The following RORA variants were observed in gnomAD, a reference collection of about 807,000 sequenced individuals.
The protein encoded by RORA is nuclear receptor ROR-alpha.
RORA carries 7 observed loss-of-function variants against 69.5 expected under a neutral mutation model. That is an observed-to-expected ratio of 0.10 (90% CI 0.06 to 0.19). RORA has a LOEUF of 0.19. Among genes scored for constraint, RORA ranks in the 10% least tolerant of loss-of-function variants. The pLI is 1.00. For missense variants in RORA, 457 were observed against 663.0 expected (o/e 0.69, Z 3.41); for synonymous variants, 261 against 240.8 (o/e 1.08, Z -0.78).
intron 1 of RORA, among the ~76,000 whole-genome samples, chr15:60,786,148 T>C (rs1361203048): frequency 6.6e-6 from 1 of 152,210 alleles, no homozygotes; most frequent in South Asian, 2.1e-4. Context: ...TGTTTATACA[T>C]ACACGACATC....
At chr15:60,605,655 A>T (rs2068927976) in intron 2 of RORA, among the ~76,000 whole-genome samples, 2 of 152,374 alleles carry the variant, frequency 1.3e-5, no homozygotes, top group African/African-American at 4.8e-5. Context: ...TGACTCACTG[A>T]CAAAGCAAGC....
intron 1 of RORA, among the ~76,000 whole-genome samples, chr15:61,171,530 G>C (rs1330549804): frequency 6.6e-6 from 1 of 152,188 alleles, no homozygotes; most frequent in Admixed American, 6.5e-5. Flanking sequence ...TTTATTAAAG[G>C]AGAATACACT....
At chr15:60,603,521 A>G (rs2140560282) in intron 2 of RORA, among the ~76,000 whole-genome samples, 1 of 152,374 alleles carries the variant, frequency 6.6e-6, no homozygotes, top group Non-Finnish European at 1.5e-5. Context: ...TTTAAAAGAC[A>G]AAATTATTCG....
chr15:60,736,626 T>G (rs959296433), intron 1 of RORA: 13 of 152,234 alleles, frequency 8.5e-5, no homozygotes, highest in Admixed American at 7.2e-4. Flanking sequence ...GTAAGTCTGT[T>G]TGTGTGGCCC....
At chr15:60,834,891 T>C (rs2073095877) in intron 1 of RORA, among the ~76,000 whole-genome samples, 1 of 152,144 alleles carries the variant, frequency 6.6e-6, no homozygotes, top group Non-Finnish European at 1.5e-5. Context: ...GACCCTCATC[T>C]TCGCAGGATT....
intron 1 of RORA, among the ~76,000 whole-genome samples, chr15:61,029,322 G>T (rs548784096): frequency 6.6e-6 from 1 of 152,254 alleles, no homozygotes; most frequent in African/African-American, 2.4e-5. Context: ...AAAAAGGCCA[G>T]GGAGGATCAG....
intron 1 of RORA, among the ~76,000 whole-genome samples, chr15:61,208,383 G>C (rs1164655075): frequency 6.6e-6 from 1 of 152,174 alleles, no homozygotes; most frequent in Non-Finnish European, 1.5e-5. Flanking sequence ...CAGATTAATG[G>C]CTGTCTTAGA....
rs1567051985 is a variant in RORA at position 60,516,149 on chromosome 15, A to AAATATATATATTTATATATATATT, written c.283-1393_283-1392insAATATATATATAAATATATATATT. Reference sequence around the variant, plus strand: ...ATATTAAATATATTTATATATATTTATATATATATATTTATATATATATTT... The same window carrying AAATATATATATTTATATATATATT: ...ATATTAAATATATTTATATATATTTAAATATATATATTTATATATATATTTATATATATATTTATATATATATTT... On this transcript the variant is annotated intron_variant, in intron 3 of 10. Coordinates refer to ENST00000335670, the MANE Select transcript of RORA (RefSeq NM_134261.3). 5.2e-4 allele frequency among the ~76,000 whole-genome samples: 18 copies of AAATATATATATTTATATATATATT among 34,796 alleles called. 3 individuals carry two copies. Among genetic ancestry groups the AAATATATATATTTATATATATATT allele is most frequent in the Admixed American group, 2.3e-3 (4 of 1,746 alleles). 22.8% of individuals were successfully genotyped at this position (34,796 alleles called of 152,430 possible). A position where few individuals can be genotyped will look rare whatever the true frequency, so the allele number is the denominator to read the frequency against.
chr15:60,764,579 A>G (rs1357570464), intron 1 of RORA, among the ~76,000 whole-genome samples: 15 of 152,154 alleles, frequency 9.9e-5, no homozygotes, highest in Admixed American at 9.8e-4. Flanking sequence ...AAGGTCAACT[A>G]GATTCAGAAA....
intron 1 of RORA, among the ~76,000 whole-genome samples, chr15:61,141,145 T>C (rs1157857241): frequency 6.6e-6 from 1 of 152,210 alleles, no homozygotes; most frequent in African/African-American, 2.4e-5. Context: ...TTCAAAACAC[T>C]GTATGCATAT....
chr15:60,711,151 G>A (rs1389182300), intron 1 of RORA, among the ~76,000 whole-genome samples: 2 of 152,060 alleles, frequency 1.3e-5, no homozygotes, highest in African/African-American at 4.8e-5. Flanking sequence ...TCATAAGGAC[G>A]GGTCACTCCT....
At chr15:61,056,740 T>C (rs1253564028) in intron 1 of RORA, among the ~76,000 whole-genome samples, 1 of 152,176 alleles carries the variant, frequency 6.6e-6, no homozygotes, top group Non-Finnish European at 1.5e-5. Flanking sequence ...ATCAAAACCA[T>C]TCCTAGAATA....
chr15:60,811,342 C>T (rs2072740299), intron 1 of RORA, among the ~76,000 whole-genome samples: 1 of 152,234 alleles, frequency 6.6e-6, no homozygotes, highest in African/African-American at 2.4e-5. Context: ...TCTGGGTTTT[C>T]CCCCTTGCTG....
rs560413189 is a variant in RORA at position 61,019,859 on chromosome 15, C to A, written c.166+209194G>T. Among the ~76,000 whole-genome samples, 12 of 152,306 alleles carry A rather than the reference C, an allele frequency of 7.9e-5. No individual in the cohort carries two copies. The East Asian group carries it at 2.3e-3, about 29-fold the overall frequency. ...CCTGCCTGCCCCCAGAATTCACCTC[C>A]AAAGTACAGCATGCTCCTGGTTCCT... On this transcript the variant is annotated intron_variant, in intron 1 of 10. Coordinates refer to ENST00000335670, the MANE Select transcript of RORA (RefSeq NM_134261.3).
At chr15:60,523,759 C>T (rs2066256638) in intron 3 of RORA, among the ~76,000 whole-genome samples, 1 of 152,236 alleles carries the variant, frequency 6.6e-6, no homozygotes, top group Non-Finnish European at 1.5e-5. Context: ...GCAGCCTCAA[C>T]TTCCTGGACT....
At chr15:61,073,859 C>T (rs780537995) in intron 1 of RORA, among the ~76,000 whole-genome samples, 2 of 152,320 alleles carry the variant, frequency 1.3e-5, no homozygotes, top group Non-Finnish European at 2.9e-5. Flanking sequence ...TGCCAAGCAT[C>T]GCTGAATCAA....
chr15:61,046,618 G>A (rs1317098247), intron 1 of RORA, among the ~76,000 whole-genome samples: 1 of 152,210 alleles, frequency 6.6e-6, no homozygotes, highest in Non-Finnish European at 1.5e-5. Context: ...GCAGCAAGGT[G>A]CCTCTGACAA....
At chr15:60,867,856 G>A (rs546837904) in intron 1 of RORA, among the ~76,000 whole-genome samples, 11 of 152,160 alleles carry the variant, frequency 7.2e-5, no homozygotes, top group African/African-American at 2.7e-4. Flanking sequence ...TTGGTTGCCA[G>A]GAAGTCCAGG....
intron 1 of RORA, among the ~76,000 whole-genome samples, chr15:60,738,773 T>C (rs35277300): frequency 0.28 from 42,587 of 152,198 alleles, 6,272 homozygotes; most frequent in South Asian, 0.43. Flanking sequence ...CGCATTGTCT[T>C]ACAGATCTGG....
Sources: gnomAD v4.1 joint callset for allele counts (sites outside exome capture counted in the v4.1 genomes callset) on GRCh38, gnomAD v4.1.1 for gene constraint, MANE v1.5 for transcripts, NCBI Gene and HGNC (gene_info 2026-07-23, HGNC 2026-07-21) for gene names.